The following TPD52 variants were observed in gnomAD, a reference collection of about 807,000 sequenced individuals.
The protein encoded by TPD52 is prostate and colon associated protein.
TPD52 carries 17 observed loss-of-function variants against 31.3 expected under a neutral mutation model. That is an observed-to-expected ratio of 0.54 (90% confidence interval 0.37 to 0.82). The LOEUF (loss-of-function observed/expected upper bound fraction) is 0.82, where lower values mean the gene tolerates loss of function less well. Ranked by LOEUF, TPD52 falls within the 40% of genes least tolerant of loss-of-function variation. The pLI, the probability that TPD52 is intolerant of heterozygous loss-of-function variation, is 0.00. For missense variants in TPD52, 212 were observed against 240.1 expected (o/e 0.88, Z 0.77); for synonymous variants, 83 against 89.6 (o/e 0.93, Z 0.42).
chr8:80,072,604 C>T lies in TPD52; in HGVS notation c.20-8011G>A, dbSNP rs111205659. On this transcript the variant is annotated intron_variant, in intron 1 of 7. Coordinates refer to ENST00000518937, the MANE Select transcript of TPD52 (RefSeq NM_001025253.3). ...GTATATACATGTACACATAGATATG[C>T]GTGTATATACATGTACACATAGATA... Among the ~76,000 whole-genome samples the T allele has an allele frequency of 2.2e-4, 22 of 100,266 alleles. 2 individuals are homozygous for T. The highest frequency in any genetic ancestry group is 1.2e-3 in the East Asian group (4 of 3,318). 65.8% of individuals were successfully genotyped at this position (100,266 alleles called of 152,430 possible).
At chr8:80,051,438 C>A (rs1030485437) in intron 4 of TPD52, 89 bp downstream of exon 4, 6 of 1,283,562 alleles carry the variant, frequency 4.7e-6, no homozygotes, top group Non-Finnish European at 6.7e-6. Context: ...CTAGCATCAA[C>A]TAGAGCCAAG....
chr8:80,050,556 A>AT, intron 4 of TPD52, 85 bp from the exon 5 acceptor site: 4 of 1,376,040 alleles, frequency 2.9e-6, no homozygotes, highest in Non-Finnish European at 4.0e-6. Flanking sequence ...TTAAACATAT[A>AT]ATGTTTTCCC....
At chr8:80,119,777 C>A in intron 1 of TPD52, 2 of 347,668 alleles carry the variant, frequency 5.8e-6, no homozygotes, top group Non-Finnish European at 1.1e-5. Flanking sequence ...GAAATAGATC[C>A]ACAAATATAA....
chr8:80,053,904 T>C, intron 2 of TPD52, among the ~76,000 whole-genome samples: 1 of 152,130 alleles, frequency 6.6e-6, no homozygotes, highest in East Asian at 1.9e-4. Flanking sequence ...CAAACCCAAA[T>C]CCAATCTCCT....
intron 1 of TPD52, among the ~76,000 whole-genome samples, chr8:80,144,212 CCTA>C (rs1810037992): frequency 6.6e-6 from 1 of 151,922 alleles, no homozygotes; most frequent in African/African-American, 2.4e-5. Flanking sequence ...TGTTCTTTTT[CCTA>C]CTATGAAGAA....
At chr8:80,161,629 C>T (rs1008666648) in intron 1 of TPD52, among the ~76,000 whole-genome samples, 5 of 151,888 alleles carry the variant, frequency 3.3e-5, no homozygotes, top group Non-Finnish European at 7.4e-5. Context: ...CACCACAATG[C>T]CTCCAAATAA....
chr8:80,136,541 A>G (rs58328296), intron 1 of TPD52, among the ~76,000 whole-genome samples: 10 of 134,746 alleles, frequency 7.4e-5, no homozygotes, highest in South Asian at 2.4e-4. Context: ...AAAAAAAAAA[A>G]AAAAAAAAAA....
downstream of TPD52, among the ~76,000 whole-genome samples, chr8:80,031,210 G>T (rs1344283096): frequency 6.6e-6 from 1 of 152,212 alleles, no homozygotes; most frequent in Non-Finnish European, 1.5e-5. Context: ...TCGAGAGAAA[G>T]AATTTTTATG....
chr8:80,046,269 A>C (rs1317559464), intron 5 of TPD52, among the ~76,000 whole-genome samples: 1 of 152,220 alleles, frequency 6.6e-6, no homozygotes, highest in Non-Finnish European at 1.5e-5. Flanking sequence ...AAATATACCC[A>C]TTAAACAGAA....
rs547360312 is a variant in TPD52 at position 80,151,642 on chromosome 8, T to A, written c.19+19783A>T. Among the ~76,000 whole-genome samples the A allele has an allele frequency of 2.0e-5, 3 of 152,368 alleles. No homozygotes were observed. In the South Asian group the frequency reaches 6.2e-4, roughly 32 times the overall value. On this transcript the variant is annotated intron_variant, in intron 1 of 7. Coordinates refer to ENST00000518937, the MANE Select transcript of TPD52 (RefSeq NM_001025253.3). ...ATCAGCATAATAAGAAAGTCTCTTC[T>A]GCTTTAACCTTTAAAAGAAGTAACC...
intron 1 of TPD52, among the ~76,000 whole-genome samples, chr8:80,085,320 T>A (rs986983129): frequency 1.3e-5 from 2 of 152,168 alleles, no homozygotes; most frequent in African/African-American, 2.4e-5. Flanking sequence ...GAAATGGTAG[T>A]AGGTACAAAT....
At chr8:80,148,433 G>A in intron 1 of TPD52, among the ~76,000 whole-genome samples, 1 of 151,834 alleles carries the variant, frequency 6.6e-6, no homozygotes, top group East Asian at 1.9e-4. Context: ...AAAATGCTGG[G>A]ATTACACGCA....
At chr8:80,072,011 T>C (rs1029703546) in intron 1 of TPD52, among the ~76,000 whole-genome samples, 2 of 152,204 alleles carry the variant, frequency 1.3e-5, no homozygotes, top group Non-Finnish European at 2.9e-5. Context: ...ATGCTTTTTT[T>C]GTTTTTTAAG....
At chr8:80,128,953 A>T (rs982209958) in intron 1 of TPD52, among the ~76,000 whole-genome samples, 2 of 152,038 alleles carry the variant, frequency 1.3e-5, no homozygotes, top group Admixed American at 1.3e-4. Context: ...TTACATTTCA[A>T]CTATTTACAA....
intron 1 of TPD52, among the ~76,000 whole-genome samples, chr8:80,143,714 T>C (rs1010776215): frequency 6.6e-6 from 1 of 152,198 alleles, no homozygotes; most frequent in African/African-American, 2.4e-5. Context: ...GAACTTAGTA[T>C]CACATAACCC....
chr8:80,040,773 C>A (rs1453435086), intron 7 of TPD52, among the ~76,000 whole-genome samples: 1 of 152,182 alleles, frequency 6.6e-6, no homozygotes, highest in Non-Finnish European at 1.5e-5. Context: ...CTTCCTGCAA[C>A]TACAGTTTGC....
chr8:80,038,049 T>C lies in TPD52; in HGVS notation c.*67A>G. On this transcript the variant is annotated 3_prime_UTR_variant, in exon 8 of 8. Coordinates refer to ENST00000518937, the MANE Select transcript of TPD52 (RefSeq NM_001025253.3). The stretch of plus-strand genomic sequence containing the variant: ...TGGTAGAAATTCATGGCAATGCATG[T>C]TGACAAGATGTGCTTGGACCTCGCT... 1 of 1,576,254 alleles carries C rather than the reference T, an allele frequency of 6.3e-7. No individual in the cohort carries two copies. Among genetic ancestry groups the C allele is most frequent in the Non-Finnish European group, 8.7e-7 (1 of 1,155,470 alleles).
intron 1 of TPD52, among the ~76,000 whole-genome samples, chr8:80,151,826 A>T (rs1158499242): frequency 6.6e-6 from 1 of 152,254 alleles, no homozygotes; most frequent in Non-Finnish European, 1.5e-5. Context: ...AATGCCAATT[A>T]GATCTATAAC....
intron 1 of TPD52, among the ~76,000 whole-genome samples, chr8:80,145,076 C>T (rs1395807018): frequency 1.3e-5 from 2 of 152,160 alleles, no homozygotes; most frequent in Non-Finnish European, 2.9e-5. Flanking sequence ...TGGAGGGTCA[C>T]TCTTTATCTG....
Sources: allele counts gnomAD v4.1 joint callset (sites outside exome capture counted in the v4.1 genomes callset), GRCh38; gene constraint gnomAD v4.1.1; transcripts MANE v1.5; gene names NCBI Gene and HGNC (gene_info 2026-07-23, HGNC 2026-07-21).